The following STK10 variants were observed in gnomAD, a reference collection of about 807,000 sequenced individuals.
The protein encoded by STK10 is serine/threonine kinase 10, also known as serine/threonine-protein kinase 10.
Under a neutral mutation model 113.8 loss-of-function variants are expected in STK10, and 78 were observed. That is an observed-to-expected ratio of 0.69 (90% CI 0.57 to 0.83). The LOEUF (loss-of-function observed/expected upper bound fraction) is 0.83. Among genes scored for constraint, STK10 ranks in the 40% least tolerant of loss-of-function variants. The pLI is 0.00. For synonymous variants in STK10, 465 were observed against 494.7 expected, an observed-to-expected ratio of 0.94 and a Z score of 0.80; for missense variants, 1,109 against 1,280.1, an observed-to-expected ratio of 0.87 and a Z score of 2.04.
intron 1 of STK10, among the ~76,000 whole-genome samples, chr5:172,166,235 G>A (rs1370591271): frequency 1.3e-5 from 2 of 152,242 alleles, no homozygotes; most frequent in Non-Finnish European, 2.9e-5. Flanking sequence ...GTGAGGCCAA[G>A]ATGGCAGAAG....
At chr5:172,098,106 G>A (rs958373710) in intron 7 of STK10, among the ~76,000 whole-genome samples, 7 of 152,158 alleles carry the variant, frequency 4.6e-5, no homozygotes, top group South Asian at 4.1e-4. Context: ...CAATTTATCC[G>A]GGGAGGAAGT....
chr5:172,112,127 G>T (rs894878785), intron 4 of STK10, among the ~76,000 whole-genome samples: 1 of 152,216 alleles, frequency 6.6e-6, no homozygotes, highest in Non-Finnish European at 1.5e-5. Flanking sequence ...TATTTGTATG[G>T]ACTAACTTGG....
intron 8 of STK10, among the ~76,000 whole-genome samples, chr5:172,094,475 G>A (rs776773760): frequency 9.2e-5 from 14 of 152,050 alleles, no homozygotes; most frequent in Non-Finnish European, 1.9e-4. Context: ...CCTGGGAGTG[G>A]TCCTCCCACC....
rs1768473610 is a variant in STK10 at position 172,083,195 on chromosome 5, T to C, written c.1686-111A>G. On this transcript the variant is annotated intron_variant, in intron 10 of 18. Coordinates refer to ENST00000176763, the MANE Select transcript of STK10 (RefSeq NM_005990.4). Reference sequence around the variant, plus strand: ...GGATCATGGAGCAAAATCACACAAGTCTGGGGCACAGGCATGACTAGAACT... The same window carrying C: ...GGATCATGGAGCAAAATCACACAAGCCTGGGGCACAGGCATGACTAGAACT... 5 of 1,433,092 alleles carry C rather than the reference T, an allele frequency of 3.5e-6. No individual in the cohort carries two copies. The South Asian group carries it at 6.0e-5, about 17-fold the overall frequency. The allele number at this position is 1,433,092 out of a possible 1,614,324, so 88.8% of individuals were successfully genotyped here.
intron 4 of STK10, chr5:172,114,470 TATA>T (rs1284262781): frequency 1.4e-4 from 6 of 42,738 alleles, no homozygotes; most frequent in African/African-American, 6.8e-4. Flanking sequence ...TATATATATA[TATA>T]TTTTTTTTTT....
At chr5:172,089,546 G>A (rs1212174968) in intron 10 of STK10, among the ~76,000 whole-genome samples, 2 of 152,022 alleles carry the variant, frequency 1.3e-5, no homozygotes, top group African/African-American at 4.8e-5. Flanking sequence ...AGGTAGATAG[G>A]GAGTAGGTAA....
At chr5:172,156,953 C>T (rs993453239) in intron 1 of STK10, among the ~76,000 whole-genome samples, 165 bp from the exon 2 acceptor site, 22 of 152,122 alleles carry the variant, frequency 1.4e-4, no homozygotes, top group Admixed American at 6.6e-5. Flanking sequence ...CATGTCTGTA[C>T]TTAAGAGTAA....
At chr5:172,149,152 G>A (rs1427023084) in intron 2 of STK10, among the ~76,000 whole-genome samples, 1 of 152,152 alleles carries the variant, frequency 6.6e-6, no homozygotes, top group Non-Finnish European at 1.5e-5. Flanking sequence ...GGGTGACAGA[G>A]CAATACAAAA....
chr5:172,131,182 C>T (rs1332516348), intron 2 of STK10, among the ~76,000 whole-genome samples: 7 of 152,044 alleles, frequency 4.6e-5, no homozygotes, highest in East Asian at 1.9e-4. Flanking sequence ...TACAGGCGCC[C>T]GCCACCACAT....
intron 1 of STK10, among the ~76,000 whole-genome samples, chr5:172,162,063 G>A (rs559114190): frequency 4.1e-4 from 63 of 152,294 alleles, no homozygotes; most frequent in African/African-American, 1.3e-3. Flanking sequence ...TGTTTAGGCC[G>A]GGCGCAGTGG....
chr5:172,114,473 A>ATATATATATATATATTTT (rs1226289994), intron 4 of STK10: 2 of 47,536 alleles, frequency 4.2e-5, no homozygotes, highest in African/African-American at 2.8e-4. Context: ...ATATATATAT[A>ATATATATATATATATTTT]TTTTTTTTTT....
chr5:172,167,949 G>A (rs567277219), intron 1 of STK10, among the ~76,000 whole-genome samples: 1 of 152,318 alleles, frequency 6.6e-6, no homozygotes, highest in Admixed American at 6.5e-5. Flanking sequence ...AAGGGGACAT[G>A]TGCAAGGAAT....
chr5:172,061,112 A>T (rs756695560), intron 14 of STK10, 27 bp downstream of exon 14: 1 of 1,589,862 alleles, frequency 6.3e-7, no homozygotes, highest in African/African-American at 1.4e-5. Context: ...CTGGGCCAAG[A>T]CAGCGCTGCC....
In STK10 at chr5:172,120,992, C is replaced by G. The variant is rs1769498885; in HGVS notation, c.371-3362G>C. Among the ~76,000 whole-genome samples the G allele has an allele frequency of 6.6e-6, 1 of 150,756 alleles. No individual in the cohort carries two copies. Among genetic ancestry groups the G allele is most frequent in the Admixed American group, 6.6e-5 (1 of 15,128 alleles). Reference sequence around the variant, plus strand: ...CCCAGTGAGGTGGGAAGGAGATACTCTTTAATTTTGTTTTTTGTTGTTGTT... The same window carrying G: ...CCCAGTGAGGTGGGAAGGAGATACTGTTTAATTTTGTTTTTTGTTGTTGTT... On this transcript the variant is annotated intron_variant, in intron 3 of 18. Coordinates refer to ENST00000176763, the MANE Select transcript of STK10 (RefSeq NM_005990.4). The surrounding 1 kb of genome is among the most constrained non-coding windows in gnomAD (Gnocchi z 4.0).
intron 1 of STK10, among the ~76,000 whole-genome samples, chr5:172,174,811 G>A (rs951395504): frequency 6.6e-6 from 1 of 152,118 alleles, no homozygotes; most frequent in Non-Finnish European, 1.5e-5. Flanking sequence ...TGGTCCGGAA[G>A]CAGAAAGGAG....
At chr5:172,167,393 T>G (rs1369235958) in intron 1 of STK10, among the ~76,000 whole-genome samples, 1 of 152,200 alleles carries the variant, frequency 6.6e-6, no homozygotes, top group Non-Finnish European at 1.5e-5. Context: ...AAATTGTAAC[T>G]AGGCTACAAT....
chr5:172,076,844 G>A (rs1768320273), intron 12 of STK10, among the ~76,000 whole-genome samples: 1 of 152,046 alleles, frequency 6.6e-6, no homozygotes, highest in Admixed American at 6.6e-5. Flanking sequence ...GGCCTCACGA[G>A]CTTAAAACTG....
rs1770974838 is a variant in STK10, at chr5:172,187,527, A to C, written c.156+360T>G. Among the ~76,000 whole-genome samples the C allele has an allele frequency of 6.6e-6, 1 of 151,820 alleles. No homozygotes were observed. The highest frequency in any genetic ancestry group is 1.5e-5 in the Non-Finnish European group (1 of 67,978). ...AAAAGTGTGCCCGTATCGCCGTTTT[A>C]CGGAACGTCCCTGGAAGGTCCCTCG... On this transcript the variant is annotated intron_variant, in intron 1 of 18. Coordinates refer to ENST00000176763, the MANE Select transcript of STK10 (RefSeq NM_005990.4). The surrounding 1 kb of genome is among the most constrained non-coding windows in gnomAD (Gnocchi z 4.6).
At chr5:172,168,427 G>C (rs1474978118) in intron 1 of STK10, among the ~76,000 whole-genome samples, 1 of 152,188 alleles carries the variant, frequency 6.6e-6, no homozygotes, top group African/African-American at 2.4e-5. Flanking sequence ...CAGAGCCGGG[G>C]TGGCCAGCTG....
Sources: allele counts gnomAD v4.1 joint callset (sites outside exome capture counted in the v4.1 genomes callset), GRCh38; gene constraint gnomAD v4.1.1; non-coding constraint Gnocchi (gnomAD v3.1); transcripts MANE v1.5; gene names NCBI Gene and HGNC (gene_info 2026-07-23, HGNC 2026-07-21).